CATSPERT: variants seen among roughly 807,000 people sequenced by gnomAD.
CATSPERT encodes cation channel sperm-associated targeting subunit tau.
chr2:201,575,034 CA>C, the CATSPERT span, among the ~76,000 whole-genome samples: 2,289 of 97,910 alleles, frequency 0.023, 52 homozygotes, highest in African/African-American at 0.077. Flanking sequence ...CACCATTTAG[CA>C]AAAAAAAAAA....
chr2:201,494,578 T>A, the CATSPERT span: 1 of 1,537,212 alleles, frequency 6.5e-7, no homozygotes, highest in East Asian at 2.4e-5. Context: ...CCAGGTTGTA[T>A]TAGCAGGTCC....
chr2:201,563,464 G>A, the CATSPERT span, among the ~76,000 whole-genome samples: 1 of 11,088 alleles, frequency 9.0e-5, no homozygotes, highest in South Asian at 3.8e-3. Context: ...CCGGGCGGGG[G>A]GCTGACCCCC....
the CATSPERT span, among the ~76,000 whole-genome samples, chr2:201,595,191 C>CTT: frequency 3.0e-3 from 330 of 111,722 alleles, 3 homozygotes; most frequent in African/African-American, 9.5e-3. Context: ...AGTTTTCCTT[C>CTT]TTTTTTTTTT....
At chr2:201,497,367 T>C in the CATSPERT span, among the ~76,000 whole-genome samples, 913 of 152,366 alleles carry the variant, frequency 6.0e-3, 7 homozygotes, top group African/African-American at 0.021. Context: ...CCTTTTGTTT[T>C]TCTTTGCTTA....
chr2:201,493,201 G>T, the CATSPERT span: 2 of 1,534,056 alleles, frequency 1.3e-6, no homozygotes, highest in South Asian at 1.2e-5. Context: ...TTCTAAAGTA[G>T]AACTGAGATC....
At chr2:201,600,973 C>T in the CATSPERT span, among the ~76,000 whole-genome samples, 1 of 152,188 alleles carries the variant, frequency 6.6e-6, no homozygotes, top group Admixed American at 6.5e-5. Flanking sequence ...TGGTCTCAAA[C>T]TGCTGACATC....
At chr2:201,593,881 T>A in the CATSPERT span, among the ~76,000 whole-genome samples, 12 of 147,114 alleles carry the variant, frequency 8.2e-5, no homozygotes, top group South Asian at 2.2e-4. Flanking sequence ...TCTCTGCACA[T>A]GAGATGGGTT....
At chr2:201,601,510 T>A in the CATSPERT span, among the ~76,000 whole-genome samples, 1 of 152,044 alleles carries the variant, frequency 6.6e-6, no homozygotes, top group Non-Finnish European at 1.5e-5. Context: ...CAGTAACATC[T>A]CAGGAAAGAA....
chr2:201,552,183 C>G, the CATSPERT span, among the ~76,000 whole-genome samples: 1 of 140,162 alleles, frequency 7.1e-6, no homozygotes, highest in East Asian at 2.1e-4. Context: ...GAGGTTTCAC[C>G]ATGTTGCCCA....
chr2:201,494,413 G>C, the CATSPERT span: 1 of 1,537,528 alleles, frequency 6.5e-7, no homozygotes, highest in Non-Finnish European at 8.7e-7. Context: ...AGCCCTTGAT[G>C]ATTCTCCTTT....
At chr2:201,537,218 C>T in the CATSPERT span, among the ~76,000 whole-genome samples, 1 of 151,862 alleles carries the variant, frequency 6.6e-6, no homozygotes, top group East Asian at 1.9e-4. Context: ...TTCCTCAACA[C>T]ATTTTGTCCC....
At chr2:201,499,810 G>A in the CATSPERT span, among the ~76,000 whole-genome samples, 2 of 150,238 alleles carry the variant, frequency 1.3e-5, no homozygotes, top group Non-Finnish European at 3.0e-5. Context: ...TATAGCCTGT[G>A]CAACAGAGTG....
the CATSPERT span, among the ~76,000 whole-genome samples, chr2:201,524,854 A>G: frequency 1.3e-5 from 2 of 152,334 alleles, no homozygotes; most frequent in African/African-American, 4.8e-5. Context: ...GCCAACAACG[A>G]TAAAAAAAGA....
chr2:201,487,925 C>G, the CATSPERT span: 1 of 1,528,986 alleles, frequency 6.5e-7, no homozygotes, highest in Non-Finnish European at 8.8e-7. Context: ...ATAAAAGATC[C>G]AATTGGTAAA....
At chr2:201,572,804 T>C in the CATSPERT span, among the ~76,000 whole-genome samples, 1,367 of 152,278 alleles carry the variant, frequency 9.0e-3, 20 homozygotes, top group African/African-American at 0.031. Flanking sequence ...CTTTCATCTG[T>C]ATATTACTTC....
At chr2:201,608,842 C>A in the CATSPERT span, among the ~76,000 whole-genome samples, 29 of 134,686 alleles carry the variant, frequency 2.2e-4, no homozygotes, top group Admixed American at 2.9e-4. Flanking sequence ...AAGAAACAAA[C>A]AAAGAAAGAA....
the CATSPERT span, among the ~76,000 whole-genome samples, chr2:201,502,878 CAT>C: frequency 1.3e-4 from 19 of 150,028 alleles, no homozygotes; most frequent in Admixed American, 4.0e-4. Context: ...TGTATTTTCA[CAT>C]GTTAGTGATA....
chr2:201,501,395 C>CA, the CATSPERT span, among the ~76,000 whole-genome samples: 20,035 of 46,598 alleles, frequency 0.43, 4,020 homozygotes, highest in Admixed American at 0.45. Context: ...AACTCCATCT[C>CA]AAAAAAAAAA....
the CATSPERT span, among the ~76,000 whole-genome samples, chr2:201,540,066 G>T: frequency 8.5e-5 from 13 of 152,300 alleles, no homozygotes; most frequent in Middle Eastern, 3.4e-3. Flanking sequence ...AGTCCCTTAA[G>T]CCAAAGCCTA....
Sources: allele counts gnomAD v4.1 joint callset (sites outside exome capture counted in the v4.1 genomes callset), GRCh38; gene constraint gnomAD v4.1.1; transcripts MANE v1.5; gene names NCBI Gene and HGNC (gene_info 2026-07-23, HGNC 2026-07-21).